Variants in RTCB observed in about 807,000 individuals in gnomAD.
RTCB encodes the protein RNA 2',3'-cyclic phosphate and 5'-OH ligase.
In RTCB, 32 loss-of-function variants were observed where a neutral mutation model predicts 58.2. That is an observed-to-expected ratio of 0.55 (90% CI 0.41 to 0.74). RTCB has a LOEUF of 0.74. Among genes scored for constraint, RTCB ranks in the 30% least tolerant of loss-of-function variants. The pLI is 0.00. For missense variants in RTCB, 523 were observed against 639.0 expected, an observed-to-expected ratio of 0.82 and a Z score of 1.96; for synonymous variants, 247 against 218.6, an observed-to-expected ratio of 1.13 and a Z score of -1.15.
At chr22:32,408,067 G>T in intron 3 of RTCB, 108 bp downstream of exon 3, 1 of 980,898 alleles carries the variant, frequency 1.0e-6, no homozygotes, top group Non-Finnish European at 1.5e-6. Flanking sequence ...GTTATGTCTG[G>T]CTGTCCAAAG....
In RTCB at chr22:32,408,175, A is replaced by G; in HGVS notation, c.240T>C (p.His80=). ...ATTAAAGTTCTGAACTCTGACTCAC[A>G]TGAACAATTCCAGGCAGGGCTGCCA... The part of the protein sequence containing the change: ...GNVAALPGIV[H]RSIGLPDVHS... Residue 80 remains histidine (H), a splice_region_variant and synonymous_variant, in exon 3 of 12, where the codon CAT becomes CAC. Transcript: ENST00000216038. 1 of 1,613,992 alleles carries G rather than the reference A, an allele frequency of 6.2e-7. No individual in the cohort carries two copies. Among genetic ancestry groups the G allele is most frequent in the South Asian group, 1.1e-5 (1 of 91,072 alleles).
intron 1 of RTCB, 64 bp downstream of exon 1, chr22:32,412,000 A>T: frequency 7.7e-7 from 1 of 1,295,978 alleles, no homozygotes. Context: ...CAGAGGGCGC[A>T]GTGGACGCCG....
intron 10 of RTCB, among the ~76,000 whole-genome samples, chr22:32,393,522 A>T (rs1933191042): frequency 6.6e-6 from 1 of 152,198 alleles, no homozygotes; most frequent in South Asian, 2.1e-4. Context: ...GGAAGGGGCA[A>T]ATTAAACAAA....
chr22:32,411,943 G>C, intron 1 of RTCB, 121 bp downstream of exon 1: 1 of 703,196 alleles, frequency 1.4e-6, no homozygotes, highest in Non-Finnish European at 2.3e-6. Context: ...ACGGGATGAG[G>C]GAAACTCTGC....
intron 3 of RTCB, among the ~76,000 whole-genome samples, chr22:32,407,134 T>C (rs1933439139): frequency 6.6e-6 from 1 of 152,226 alleles, no homozygotes; most frequent in African/African-American, 2.4e-5. Flanking sequence ...AACTGATTTA[T>C]ATAGGTCATT....
At chr22:32,396,324 TA>T (rs1218941853) in intron 7 of RTCB, 75 bp from the exon 8 acceptor site, 8 of 1,430,222 alleles carry the variant, frequency 5.6e-6, no homozygotes, top group East Asian at 4.6e-5. Flanking sequence ...TGCAGAAAGG[TA>T]GGCTACATTC....
At chr22:32,388,207 A>T (rs1328822401) in intron 11 of RTCB, 108 bp from the exon 12 acceptor site, 2 of 663,020 alleles carry the variant, frequency 3.0e-6, no homozygotes, top group Non-Finnish European at 5.1e-6. Context: ...TAATACAGAG[A>T]GTTTTTTTTT....
chr22:32,407,903 A>G, intron 3 of RTCB: 1 of 398,988 alleles, frequency 2.5e-6, no homozygotes, highest in East Asian at 4.2e-5. Flanking sequence ...TGGGACAACA[A>G]GCATGTGACA....
Position 32,393,945 on chromosome 22 carries a change from T to C in RTCB, c.1237A>G (p.Thr413Ala). The change falls in exon 10 of 12, where the codon ACT (threonine) becomes GCT (alanine). Residue 413 changes from threonine to alanine, a missense_variant. By Grantham distance (58) the Thr-to-Ala change is moderately conservative. Transcript: ENST00000216038. ...TCAGTCATGCCCTGTTCAGTGCCAG[T>C]AAGAACATAACTACAGGTTCCCATG... ...GTMGTCSYVL[T>A]GTEQGMTETF... is the part of the protein sequence containing the mutation. 6.2e-7 allele frequency: 1 copy of C among 1,614,174 alleles called. No individual in the cohort carries two copies. Among genetic ancestry groups the C allele is most frequent in the East Asian group, 2.2e-5 (1 of 44,888 alleles).
chr22:32,390,471 T>TG (rs1933135404), intron 11 of RTCB, among the ~76,000 whole-genome samples: 1 of 151,894 alleles, frequency 6.6e-6, no homozygotes, highest in South Asian at 2.1e-4. Context: ...TTTTTTGAGA[T>TG]GGAGTGTTGC....
At chr22:32,404,633 C>G (rs1436081198) in intron 4 of RTCB, among the ~76,000 whole-genome samples, 1 of 152,176 alleles carries the variant, frequency 6.6e-6, no homozygotes, top group Non-Finnish European at 1.5e-5. Context: ...TTTCAAACTT[C>G]TGGTCTCATG....
chr22:32,388,738 C>G (rs1933101547), intron 11 of RTCB, among the ~76,000 whole-genome samples: 1 of 152,160 alleles, frequency 6.6e-6, no homozygotes, highest in Non-Finnish European at 1.5e-5. Flanking sequence ...TCATTCCTGT[C>G]AATACAAGCT....
chr22:32,395,182 AT>A lies in RTCB; in HGVS notation c.1022del (p.Asp341ValfsTer7). 1 of 1,614,236 alleles carries A rather than the reference AT, an allele frequency of 6.2e-7. No individual in the cohort carries two copies. The highest frequency in any genetic ancestry group is 8.5e-7 in the Non-Finnish European group (1 of 1,180,032). ...AFAKVFNTTPDDLDLHVIYDV... is the reference protein window; with the variant it reads ...AFAKVFNTTPXDLDLHVIYDV... Reference sequence around the variant, plus strand: ...CATAGATCACATGTAGGTCCAAGTCATCAGGGGTTGTGTTGAAGACCTTGGC... The same window carrying A: ...CATAGATCACATGTAGGTCCAAGTCACAGGGGTTGTGTTGAAGACCTTGGC... On this transcript the variant is annotated frameshift_variant, in exon 9 of 12. Coordinates refer to ENST00000216038, the MANE Select transcript of RTCB (RefSeq NM_014306.5). LOFTEE classifies it high-confidence loss of function.
At chr22:32,394,680 C>T (rs1239443365) in intron 9 of RTCB, among the ~76,000 whole-genome samples, 1 of 152,076 alleles carries the variant, frequency 6.6e-6, no homozygotes, top group Non-Finnish European at 1.5e-5. Context: ...TTTCGAACTC[C>T]ACCACAGCCA....
rs1224376242 is a variant in RTCB at position 32,388,043 on chromosome 22, T to C, written c.1467A>G (p.Gly489=). 3 of 1,614,010 alleles carry C rather than the reference T, an allele frequency of 1.9e-6. No individual in the cohort carries two copies. The highest frequency in any genetic ancestry group is 1.3e-5 in the African/African-American group (1 of 74,932). Reference sequence around the variant, plus strand: ...TCAGTTTAATGGCTTTCTTGCTGATTCCAGCATCATGGCAGGTATTTACCA... The same window carrying C: ...TCAGTTTAATGGCTTTCTTGCTGATCCCAGCATCATGGCAGGTATTTACCA... ...TDVVNTCHDA[G]ISKKAIKLRP... is the part of the protein sequence containing the mutation. The change falls in exon 12 of 12, where the codon GGA becomes GGG. Residue 489 remains glycine, a synonymous_variant. Transcript: ENST00000216038.
At chr22:32,403,142 C>T (rs1275753061) in intron 4 of RTCB, among the ~76,000 whole-genome samples, 3 of 152,076 alleles carry the variant, frequency 2.0e-5, no homozygotes, top group Non-Finnish European at 2.9e-5. Context: ...TGCAGGGGCT[C>T]GTGCCTGTAA....
chr22:32,395,196 T>C lies in RTCB; in HGVS notation c.1009A>G (p.Asn337Asp). 1 of 1,614,156 alleles carries C rather than the reference T, an allele frequency of 6.2e-7. No individual in the cohort carries two copies. The highest frequency in any genetic ancestry group is 1.1e-5 in the South Asian group (1 of 91,068). The change falls in exon 9 of 12, where the codon AAC (asparagine) becomes GAC (aspartate). Residue 337 changes from asparagine (N) to aspartate (D), a missense_variant. Asn to Asp is a conservative substitution (Grantham distance 23). Around this residue, in one of 3 missense-constraint regions of RTCB, gnomAD observed 248 missense variants for 292.5 expected, o/e 0.85. Coordinates refer to ENST00000216038, the MANE Select transcript of RTCB (RefSeq NM_014306.5). ...LTRQAFAKVF[N>D]TTPDDLDLHV... ...AGGTCCAAGTCATCAGGGGTTGTGT[T>C]GAAGACCTTGGCGAAAGCCTAGGAG...
rs1268886344 is a variant in RTCB, at chr22:32,399,632, C to T, written c.625G>A (p.Ala209Thr). 6.2e-7 allele frequency: 1 copy of T among 1,613,654 alleles called. No homozygotes were observed. Among genetic ancestry groups the T allele is most frequent in the Non-Finnish European group, 8.5e-7 (1 of 1,179,722 alleles). Residue 209 changes from alanine to threonine, a missense_variant, in exon 6 of 12, where the codon GCA becomes ACA. By Grantham distance (58) the Ala-to-Thr change is moderately conservative. Around this residue, in one of 3 missense-constraint regions of RTCB, gnomAD observed 141 missense variants for 216.7 expected, o/e 0.65. Transcript: ENST00000216038. The part of the protein sequence containing the change: ...MLQADPNKVS[A>T]RAKKRGLPQL... ...GGAAGGCCTCTTTTCTTCGCCCTTG[C>T]AGAAACTTTATTGGGGTCAGCCTGC...
At chr22:32,391,395 A>AT (rs200157911) in intron 11 of RTCB, among the ~76,000 whole-genome samples, 1,851 of 141,820 alleles carry the variant, frequency 0.013, 13 homozygotes, top group East Asian at 0.019. Flanking sequence ...CAATAAGTAA[A>AT]TTTTTTTTTT....
Sources: allele counts gnomAD v4.1 joint callset (sites outside exome capture counted in the v4.1 genomes callset), GRCh38; gene constraint gnomAD v4.1.1; regional missense constraint gnomAD v4.1.1; transcripts MANE v1.5; gene names NCBI Gene and HGNC (gene_info 2026-07-23, HGNC 2026-07-21).